Variants in RARB observed in about 807,000 individuals in gnomAD.
The protein encoded by RARB is retinoic acid receptor beta.
A neutral mutation model predicts 51.9 loss-of-function variants in RARB; 17 were observed. The ratio of observed to expected loss-of-function variants is 0.33; its 90% confidence interval spans 0.22 to 0.49. The LOEUF is 0.49. Ranked by LOEUF, RARB falls within the 20% of genes least tolerant of loss-of-function variation. RARB has a pLI of 0.99. For missense variants in RARB, 369 were observed against 550.8 expected, an observed-to-expected ratio of 0.67 and a Z score of 3.30; for synonymous variants, 215 against 195.4, an observed-to-expected ratio of 1.10 and a Z score of -0.84.
In RARB at chr3:25,207,860, A is replaced by C. The variant is rs114126172; in HGVS notation, c.178+33285A>C. 6.5e-3 allele frequency among the ~76,000 whole-genome samples: 989 copies of C among 152,298 alleles called. 7 individuals are homozygous for C. The highest frequency in any genetic ancestry group is 0.021 in the African/African-American group (886 of 41,548). On this transcript the variant is annotated intron_variant, in intron 5 of 11. Transcript: ENST00000383772. ...CTGAAACTAGGTAATTTATAGAGAAAAGAGATTTAATTGGCTCACAGTTCC... is the reference window on the plus strand; with the variant it reads ...CTGAAACTAGGTAATTTATAGAGAACAGAGATTTAATTGGCTCACAGTTCC...
chr3:25,321,739 T>G (rs1230797452), intron 5 of RARB, among the ~76,000 whole-genome samples: 1 of 151,176 alleles, frequency 6.6e-6, no homozygotes, highest in African/African-American at 2.5e-5. Context: ...AAAAAAAAAT[T>G]GTGCTGTCAG....
chr3:24,856,198 T>A (rs114097284), intron 1 of RARB, among the ~76,000 whole-genome samples: 1 of 152,122 alleles, frequency 6.6e-6, no homozygotes, highest in Non-Finnish European at 1.5e-5. Context: ...GGGATAAAAA[T>A]TCATCCATGA....
chr3:25,537,515 A>T (rs1699190232), intron 3 of RARB, among the ~76,000 whole-genome samples: 1 of 152,184 alleles, frequency 6.6e-6, no homozygotes, highest in Non-Finnish European at 1.5e-5. Flanking sequence ...CATATTGCAG[A>T]TGTAGTCACT....
chr3:25,430,314 C>G (rs1468666681), intron 1 of RARB, among the ~76,000 whole-genome samples: 6 of 152,212 alleles, frequency 3.9e-5, no homozygotes, highest in African/African-American at 1.4e-4. Flanking sequence ...AAATAATTTT[C>G]TAATCCAAGA....
intron 5 of RARB, among the ~76,000 whole-genome samples, chr3:25,585,698 C>T (rs896668533): frequency 1.3e-5 from 2 of 152,208 alleles, no homozygotes; most frequent in African/African-American, 4.8e-5. Flanking sequence ...TGGACAGGGG[C>T]TCATGCCATC....
chr3:25,531,158 C>T (rs1224151519), intron 3 of RARB, among the ~76,000 whole-genome samples: 1 of 152,068 alleles, frequency 6.6e-6, no homozygotes. Context: ...ATGAAAAATA[C>T]AAGCCTCAGA....
At chr3:24,912,744 T>C (rs1015513160) in intron 2 of RARB, among the ~76,000 whole-genome samples, 1 of 152,156 alleles carries the variant, frequency 6.6e-6, no homozygotes, top group African/African-American at 2.4e-5. Context: ...AAGTTAGCAT[T>C]CTATGAATGT....
chr3:24,949,505 A>C lies in RARB; in HGVS notation c.-380+90753A>C, dbSNP rs368522195. On this transcript the variant is annotated intron_variant, in intron 2 of 11. Coordinates refer to the RARB transcript ENST00000383772. ...TTTAAGGTTTGTAATGTGATTTCAC[A>C]TTTACGTTTTTATGCTCTCCATAAG... Among the ~76,000 whole-genome samples the C allele has an allele frequency of 2.0e-5, 3 of 152,346 alleles. No homozygotes were observed. The East Asian group carries it at 5.8e-4, about 29-fold the overall frequency.
At chr3:25,593,025 AAATAAG>A (rs1246793282) in intron 5 of RARB, among the ~76,000 whole-genome samples, 1 of 152,174 alleles carries the variant, frequency 6.6e-6, no homozygotes, top group Non-Finnish European at 1.5e-5. Flanking sequence ...TTCATTTGTA[AAATAAG>A]AATAATATTC....
At chr3:25,245,499 G>A (rs754819655) in intron 5 of RARB, among the ~76,000 whole-genome samples, 7 of 152,134 alleles carry the variant, frequency 4.6e-5, no homozygotes, top group Non-Finnish European at 1.5e-5. Flanking sequence ...GGCAGGCCTG[G>A]TGGTGACAAA....
At chr3:25,183,366 A>T (rs946931957) in intron 5 of RARB, among the ~76,000 whole-genome samples, 4 of 152,066 alleles carry the variant, frequency 2.6e-5, no homozygotes, top group Non-Finnish European at 4.4e-5. Flanking sequence ...TTTCAGAATG[A>T]ATTTCTTTCT....
At chr3:25,124,838 A>C (rs1200576052) in intron 3 of RARB, among the ~76,000 whole-genome samples, 1 of 152,140 alleles carries the variant, frequency 6.6e-6, no homozygotes, top group Non-Finnish European at 1.5e-5. Flanking sequence ...ACACTATACC[A>C]TTGGTCACCT....
chr3:24,926,947 T>C (rs929057279), intron 2 of RARB, among the ~76,000 whole-genome samples: 2 of 152,070 alleles, frequency 1.3e-5, no homozygotes, highest in African/African-American at 4.8e-5. Flanking sequence ...ATAACTCAGC[T>C]GAACTTCGAA....
At chr3:25,119,337 T>C (rs573264751) in intron 3 of RARB, among the ~76,000 whole-genome samples, 1 of 152,168 alleles carries the variant, frequency 6.6e-6, no homozygotes, top group Non-Finnish European at 1.5e-5. Flanking sequence ...TTTGAACCCT[T>C]GTTCCTCCAT....
intron 1 of RARB, among the ~76,000 whole-genome samples, chr3:25,448,056 T>C (rs1247978249): frequency 1.3e-5 from 2 of 151,956 alleles, no homozygotes; most frequent in South Asian, 2.1e-4. Flanking sequence ...GAATATACTA[T>C]CATTTTATAC....
At chr3:25,259,237 T>A (rs889948131) in intron 5 of RARB, among the ~76,000 whole-genome samples, 1 of 152,134 alleles carries the variant, frequency 6.6e-6, no homozygotes, top group Non-Finnish European at 1.5e-5. Context: ...CTTTCCATAA[T>A]AGGGAGTTTT....
intron 3 of RARB, among the ~76,000 whole-genome samples, chr3:25,117,040 TTC>T (rs758439000): frequency 2.0e-5 from 3 of 152,166 alleles, no homozygotes; most frequent in Non-Finnish European, 4.4e-5. Context: ...AAATCATCCT[TTC>T]TGATGCTTTA....
At chr3:25,151,557 A>G in intron 4 of RARB, among the ~76,000 whole-genome samples, 1 of 152,180 alleles carries the variant, frequency 6.6e-6, no homozygotes, top group Non-Finnish European at 1.5e-5. Context: ...AACAGAACCT[A>G]CTAATTAAGA....
At chr3:25,003,475 T>A (rs1697209390) in intron 2 of RARB, among the ~76,000 whole-genome samples, 1 of 152,174 alleles carries the variant, frequency 6.6e-6, no homozygotes, top group African/African-American at 2.4e-5. Flanking sequence ...TATATCTTAG[T>A]ACTGATTTAC....
Sources: allele counts gnomAD v4.1 joint callset (sites outside exome capture counted in the v4.1 genomes callset), GRCh38; gene constraint gnomAD v4.1.1; transcripts MANE v1.5; gene names NCBI Gene and HGNC (gene_info 2026-07-23, HGNC 2026-07-21).